Variants in SEC63 observed in about 807,000 individuals in gnomAD.
SEC63 encodes the protein translocation protein SEC63 homolog.
SEC63 carries 56 observed loss-of-function variants against 116.2 expected under a neutral mutation model. That is an observed-to-expected ratio of 0.48 (90% CI 0.39 to 0.60). The LOEUF (loss-of-function observed/expected upper bound fraction) is 0.60. Ranked by LOEUF, SEC63 falls within the 20% of genes least tolerant of loss-of-function variation. SEC63 has a pLI of 0.00. For missense variants in SEC63, 668 were observed against 900.0 expected (o/e 0.74, Z 3.30); for synonymous variants, 273 against 294.6 (o/e 0.93, Z 0.75).
At chr6:107,937,379 G>T (rs931990089) in intron 1 of SEC63, among the ~76,000 whole-genome samples, 2 of 152,106 alleles carry the variant, frequency 1.3e-5, no homozygotes, top group African/African-American at 4.8e-5. Flanking sequence ...ACCTGCCTCG[G>T]CCTCCCAAAG....
intron 18 of SEC63, among the ~76,000 whole-genome samples, chr6:107,879,896 T>C (rs1786372088): frequency 6.6e-6 from 1 of 152,098 alleles, no homozygotes. Context: ...TGGCCACTAA[T>C]AAAATGTTCT....
In SEC63 at chr6:107,893,791, A is replaced by G. The variant is rs1219139279; in HGVS notation, c.1500+47T>C. The G allele has an allele frequency of 3.7e-6, 6 of 1,609,158 alleles. No homozygotes were observed. The East Asian group carries it at 6.7e-5, about 18-fold the overall frequency. On this transcript the variant is annotated intron_variant, in intron 15 of 20. Transcript: ENST00000369002. The stretch of plus-strand genomic sequence containing the variant: ...TAAGTCAATTGGAAAAGTAAATAAA[A>G]TATTTCTTTCACTAGGAAAAATAGG...
chr6:107,885,869 A>T (rs13212017), intron 16 of SEC63, among the ~76,000 whole-genome samples: 14,703 of 151,770 alleles, frequency 0.097, 777 homozygotes, highest in Non-Finnish European at 0.12. Context: ...GTTTTTTTTT[A>T]AAATTATACT....
intron 13 of SEC63, among the ~76,000 whole-genome samples, chr6:107,898,034 G>A (rs964423845): frequency 6.6e-6 from 1 of 152,094 alleles, no homozygotes; most frequent in African/African-American, 2.4e-5. Context: ...GGAGGCCAAG[G>A]TAGGCGGATG....
rs571361571 is a variant in SEC63, at chr6:107,880,723, C to T, written c.1935+426G>A. Among the ~76,000 whole-genome samples, 100 of 152,214 alleles carry T rather than the reference C, an allele frequency of 6.6e-4. 1 individual carries two copies. The South Asian group carries it at 0.016, about 24-fold the overall frequency. ...CAGAGCAATTCTAATGGTTCCATGTCGCCAGCAGGATCCTCAGAGAGAAAA... is the reference window on the plus strand; with the variant it reads ...CAGAGCAATTCTAATGGTTCCATGTTGCCAGCAGGATCCTCAGAGAGAAAA... On this transcript the variant is annotated intron_variant, in intron 18 of 20. Transcript: ENST00000369002.
intron 7 of SEC63, among the ~76,000 whole-genome samples, chr6:107,910,535 T>C (rs982284578): frequency 2.1e-5 from 3 of 145,012 alleles, no homozygotes; most frequent in African/African-American, 7.3e-5. Flanking sequence ...TATATGCATG[T>C]CATACATATA....
chr6:107,899,255 T>C (rs1335522730), intron 13 of SEC63, among the ~76,000 whole-genome samples: 1 of 152,194 alleles, frequency 6.6e-6, no homozygotes, highest in Non-Finnish European at 1.5e-5. Flanking sequence ...CTTCACCAAC[T>C]ATAGCACTAT....
At chr6:107,924,676 G>C (rs1326990988) in intron 3 of SEC63, 142 bp downstream of exon 3, 4 of 623,612 alleles carry the variant, frequency 6.4e-6, no homozygotes, top group South Asian at 5.8e-5. Flanking sequence ...TATAATAACA[G>C]AGGATTAGAC....
intron 1 of SEC63, among the ~76,000 whole-genome samples, chr6:107,941,200 C>T (rs1163306438): frequency 5.9e-5 from 9 of 151,952 alleles, no homozygotes; most frequent in African/African-American, 2.2e-4. Flanking sequence ...CAATGCTAGC[C>T]AGAGATTGTT....
At chr6:107,954,320 C>CA (rs1161808932) in intron 1 of SEC63, among the ~76,000 whole-genome samples, 1 of 151,846 alleles carries the variant, frequency 6.6e-6, no homozygotes, top group African/African-American at 2.4e-5. Context: ...CCCAGGGACA[C>CA]AAACACTGCG....
At chr6:107,914,466 A>G (rs576971408) in intron 4 of SEC63, among the ~76,000 whole-genome samples, 5 of 152,290 alleles carry the variant, frequency 3.3e-5, no homozygotes, top group African/African-American at 1.2e-4. Flanking sequence ...GACATTCATT[A>G]GTTTTCGATG....
chr6:107,921,196 TAAAA>T (rs879351442), intron 4 of SEC63, among the ~76,000 whole-genome samples: 4 of 144,542 alleles, frequency 2.8e-5, no homozygotes, highest in Non-Finnish European at 6.1e-5. Context: ...AGATCAAGCC[TAAAA>T]AAAAAAAATC....
chr6:107,935,117 G>A (rs1347129758), intron 1 of SEC63, among the ~76,000 whole-genome samples: 1 of 143,678 alleles, frequency 7.0e-6, no homozygotes, highest in Non-Finnish European at 1.5e-5. Context: ...CGGGAGGGAG[G>A]TGGGGGGGTC....
At chr6:107,937,313 A>G (rs1770270432) in intron 1 of SEC63, among the ~76,000 whole-genome samples, 1 of 151,898 alleles carries the variant, frequency 6.6e-6, no homozygotes, top group Admixed American at 6.6e-5. Flanking sequence ...TTTAGTAGAG[A>G]TAGGGTTTCT....
chr6:107,922,759 A>G (rs1787586793), intron 3 of SEC63, among the ~76,000 whole-genome samples: 2 of 152,214 alleles, frequency 1.3e-5, no homozygotes, highest in African/African-American at 2.4e-5. Context: ...TGCAATAAGA[A>G]AAAAATCACA....
At chr6:107,886,949 G>A (rs1562316196) in intron 16 of SEC63, among the ~76,000 whole-genome samples, 1 of 150,812 alleles carries the variant, frequency 6.6e-6, no homozygotes, top group Non-Finnish European at 1.5e-5. Flanking sequence ...TAGTCAAGAA[G>A]TCTTTGCCCA....
intron 1 of SEC63, chr6:107,954,808 A>G (rs896117941): frequency 1.3e-5 from 2 of 151,616 alleles, no homozygotes; most frequent in African/African-American, 2.4e-5. Flanking sequence ...TCCTTTTACT[A>G]CAACTGTAAT....
At chr6:107,901,051 T>G (rs1206206975) in intron 13 of SEC63, among the ~76,000 whole-genome samples, 4 of 152,172 alleles carry the variant, frequency 2.6e-5, no homozygotes, top group Non-Finnish European at 5.9e-5. Flanking sequence ...ACTTCAAATA[T>G]CTCATTCTTT....
chr6:107,952,085 T>A (rs906881699), intron 1 of SEC63, among the ~76,000 whole-genome samples: 4 of 152,156 alleles, frequency 2.6e-5, no homozygotes, highest in Non-Finnish European at 4.4e-5. Flanking sequence ...AGAGCTTTTG[T>A]CCTTAATTGT....
Sources: gnomAD v4.1 joint callset for allele counts (sites outside exome capture counted in the v4.1 genomes callset) on GRCh38, gnomAD v4.1.1 for gene constraint, MANE v1.5 for transcripts, NCBI Gene and HGNC (gene_info 2026-07-23, HGNC 2026-07-21) for gene names.